Variants in CX3CR1 observed in about 807,000 individuals in gnomAD.
CX3CR1 encodes the protein CX3C chemokine receptor 1.
For synonymous variants in CX3CR1, 168 were observed against 178.5 expected, an observed-to-expected ratio of 0.94 and a Z score of 0.47; for missense variants, 363 against 432.4, an observed-to-expected ratio of 0.84 and a Z score of 1.42.
upstream of CX3CR1, chr3:39,281,398 C>T: frequency 1.5e-6 from 1 of 682,602 alleles, no homozygotes; most frequent in Non-Finnish European, 2.3e-6. Flanking sequence ...TTGCCTCTGA[C>T]TCCCCTCCTC....
At chr3:39,275,921 CAAA>C (rs5848496) in intron 1 of CX3CR1, among the ~76,000 whole-genome samples, 6,979 of 140,650 alleles carry the variant, frequency 0.05, 188 homozygotes, top group Middle Eastern at 0.081. Flanking sequence ...GAGGATATCA[CAAA>C]AAAAAAAAAA....
chr3:39,284,032 C>T (rs3020453), upstream of CX3CR1, among the ~76,000 whole-genome samples: 121,669 of 151,142 alleles, frequency 0.8, 49,144 homozygotes, highest in East Asian at 0.96. Flanking sequence ...ATGTGATTAT[C>T]ACACGTTACA....
At chr3:39,275,923 A>C (rs1338071226) in intron 1 of CX3CR1, among the ~76,000 whole-genome samples, 5 of 19,750 alleles carry the variant, frequency 2.5e-4, no homozygotes, top group South Asian at 3.8e-3. Context: ...GGATATCACA[A>C]AAAAAAAAAA....
At chr3:39,283,794 ATTATATATATATATATATAT>A (rs2040925041), upstream of CX3CR1, among the ~76,000 whole-genome samples, 1 of 58,340 alleles carries the variant, frequency 1.7e-5, no homozygotes, top group East Asian at 1.1e-3. Flanking sequence ...AAAAAAAAAA[ATTATATATATATATATATAT>A]ATATATATAT....
Position 39,263,943 on chromosome 3 carries a change from C to A in CX3CR1, c.*1499G>T, listed in dbSNP as rs7636125. The A allele has an allele frequency of 1.3e-5, 2 of 152,182 alleles. No individual in the cohort carries two copies. The highest frequency in any genetic ancestry group is 2.9e-5 in the Non-Finnish European group (2 of 68,056). 9.4% of individuals were successfully genotyped at this position (152,182 alleles called of 1,614,324 possible). A position where few individuals can be genotyped will look rare whatever the true frequency, so the allele number is the denominator to read the frequency against. On this transcript the variant is annotated 3_prime_UTR_variant, in exon 2 of 2. Transcript: ENST00000399220. ...ATTACAATTGTTTTCGAGCTTTAAA[C>A]TTTTAGATTGTTCCAAACGTTTCTA...
chr3:39,270,179 C>G (rs1180922641), intron 1 of CX3CR1, among the ~76,000 whole-genome samples: 2 of 152,226 alleles, frequency 1.3e-5, no homozygotes, highest in Non-Finnish European at 2.9e-5. Flanking sequence ...GACTATCAAA[C>G]AGTTGAGTCC....
Position 39,266,051 on chromosome 3 carries a change from G to A in CX3CR1, c.459C>T (p.Val153=), listed in dbSNP as rs773456583. The part of the protein sequence containing the change: ...VQHGVTISLG[V]WAAAILVAAP... ...CTGCCACCAAAATGGCTGCTGCCCA[G>A]ACGCCTAGGCTGATGGTGACGCCAT... Residue 153 remains valine, a synonymous_variant, in exon 2 of 2, where the codon GTC becomes GTT. Coordinates refer to ENST00000399220, the MANE Select transcript of CX3CR1 (RefSeq NM_001337.4). The A allele has an allele frequency of 1.9e-6, 3 of 1,614,076 alleles. No individual in the cohort carries two copies. The highest frequency in any genetic ancestry group is 1.7e-5 in the Admixed American group (1 of 60,006).
At chr3:39,270,192 A>G (rs1285047431) in intron 1 of CX3CR1, among the ~76,000 whole-genome samples, 1 of 152,258 alleles carries the variant, frequency 6.6e-6, no homozygotes, top group Non-Finnish European at 1.5e-5. Flanking sequence ...TTGAGTCCCA[A>G]GTCCAGTGGT....
intron 1 of CX3CR1, among the ~76,000 whole-genome samples, chr3:39,279,706 C>G (rs1365057207): frequency 2.0e-5 from 3 of 152,164 alleles, no homozygotes; most frequent in Non-Finnish European, 4.4e-5. Flanking sequence ...AAATCATGAG[C>G]TTTTCTCCAT....
At chr3:39,272,380 C>T (rs933421083) in intron 1 of CX3CR1, among the ~76,000 whole-genome samples, 10 of 152,318 alleles carry the variant, frequency 6.6e-5, no homozygotes, top group Admixed American at 1.3e-4. Flanking sequence ...CACTCACATC[C>T]GTGGCTGATC....
chr3:39,279,841 C>T (rs2040876382), intron 1 of CX3CR1, 113 bp downstream of exon 1: 1 of 334,932 alleles, frequency 3.0e-6, no homozygotes, highest in African/African-American at 2.2e-5. Flanking sequence ...GCTACAACAT[C>T]CCCAGGAAAA....
At chr3:39,285,960 C>G (rs989468586), upstream of CX3CR1, 1 of 152,164 alleles carries the variant, frequency 6.6e-6, no homozygotes, top group East Asian at 1.9e-4. Flanking sequence ...TTTCTGTCCT[C>G]GCTGTACAGA....
rs2040683701 is a variant in CX3CR1 at position 39,265,559 on chromosome 3, C to A, written c.951G>T (p.Gly317=). ...LYGKCLAVLC[G]RSVHVDFSSS... ...AGGAGAAATCAACGTGGACTGAGCG[C>A]CCACACAGGACAGCCAGGCATTTCC... The change falls in exon 2 of 2, where the codon GGG becomes GGT. Residue 317 remains glycine, a synonymous_variant. Transcript: ENST00000399220. 8 of 1,614,042 alleles carry A rather than the reference C, an allele frequency of 5.0e-6. No individual in the cohort carries two copies. Among genetic ancestry groups the A allele is most frequent in the South Asian group, 1.1e-5 (1 of 91,080 alleles).
chr3:39,281,664 G>A, upstream of CX3CR1: 1 of 1,599,048 alleles, frequency 6.3e-7, no homozygotes, highest in African/African-American at 1.3e-5. Flanking sequence ...ATCCAAGTCT[G>A]CCAACTTAAA....
chr3:39,266,522 G>C lies in CX3CR1; in HGVS notation c.-9-4C>G. 1 of 1,613,330 alleles carries C rather than the reference G, an allele frequency of 6.2e-7. No homozygotes were observed. Among genetic ancestry groups the C allele is most frequent in the Non-Finnish European group, 8.5e-7 (1 of 1,179,304 alleles). ...GGAACTGATCCATGGTGAAGGCCTG[G>C]ATCAGAAAGAAAAACAAGTAACTGT... On this transcript the variant is annotated splice_region_variant and splice_polypyrimidine_tract_variant and intron_variant, in intron 1 of 1. Transcript: ENST00000399220.
upstream of CX3CR1, chr3:39,281,672 A>C (rs11715522): frequency 0.39 from 628,057 of 1,596,944 alleles, 127,985 homozygotes; most frequent in East Asian, 0.69. Context: ...CTGCCAACTT[A>C]AACGCCTCCA....
At chr3:39,268,170 G>A (rs1210313335) in intron 1 of CX3CR1, among the ~76,000 whole-genome samples, 1 of 152,206 alleles carries the variant, frequency 6.6e-6, no homozygotes, top group Non-Finnish European at 1.5e-5. Context: ...CTGCTTTGGG[G>A]CCTGCATCTC....
At position 39,266,266 on chromosome 3, in the gene CX3CR1, C is replaced by T. The variant is rs367827486; in HGVS notation, c.244G>A (p.Ala82Thr). 1 of 1,614,106 alleles carries T rather than the reference C, an allele frequency of 6.2e-7. No individual in the cohort carries two copies. The highest frequency in any genetic ancestry group is 8.5e-7 in the Non-Finnish European group (1 of 1,180,060). The change falls in exon 2 of 2, where the codon GCC becomes ACC. Residue 82 changes from alanine to threonine, a missense_variant. Transcript: ENST00000399220. ...TAGTGAGTCCAGAAGGGCAAAGTGG[C>T]TACAAACAGCAGATCAGACAAGGCC... is the stretch of plus-strand genomic sequence containing the variant. Reference protein sequence around the residue: ...NLALSDLLFVATLPFWTHYLI... With the variant: ...NLALSDLLFVTTLPFWTHYLI...
intron 1 of CX3CR1, among the ~76,000 whole-genome samples, chr3:39,279,253 A>C (rs2040871677): frequency 6.6e-6 from 1 of 152,152 alleles, no homozygotes. Context: ...AAGGAAAAAA[A>C]AACCCATGAA....
Sources: allele counts gnomAD v4.1 joint callset (sites outside exome capture counted in the v4.1 genomes callset), GRCh38; gene constraint gnomAD v4.1.1; transcripts MANE v1.5; gene names NCBI Gene and HGNC (gene_info 2026-07-23, HGNC 2026-07-21).